Variants in THOC1 observed in about 807,000 individuals in gnomAD.
The protein encoded by THOC1 is THO complex subunit 1, also known as THO complex 1.
In THOC1, 29 loss-of-function variants were observed where a neutral mutation model predicts 97.3. The observed-to-expected ratio is 0.30, with a 90% CI of 0.22 to 0.41. The LOEUF (loss-of-function observed/expected upper bound fraction) is 0.41. Among genes scored for constraint, THOC1 ranks in the 10% least tolerant of loss-of-function variants. The probability of loss-of-function intolerance (pLI) is 1.00; values close to 1 mark genes in which losing one functional copy is unlikely to be tolerated. For missense variants in THOC1, 529 were observed against 761.9 expected, an observed-to-expected ratio of 0.69 and a Z score of 3.60; for synonymous variants, 255 against 257.0, an observed-to-expected ratio of 0.99 and a Z score of 0.07.
intron 11 of THOC1, among the ~76,000 whole-genome samples, chr18:243,948 CT>C (rs1221774649): frequency 2.0e-5 from 3 of 152,050 alleles, no homozygotes; most frequent in Non-Finnish European, 1.5e-5. Flanking sequence ...CTTTCTCTTC[CT>C]TTTTTCTGCC....
intron 11 of THOC1, among the ~76,000 whole-genome samples, chr18:230,524 A>C (rs1911448718): frequency 6.6e-6 from 1 of 152,228 alleles, no homozygotes; most frequent in Non-Finnish European, 1.5e-5. Context: ...ATGTGATTCA[A>C]GCTAACTGCT....
At chr18:233,688 T>C (rs1320696103) in intron 11 of THOC1, among the ~76,000 whole-genome samples, 1 of 152,268 alleles carries the variant, frequency 6.6e-6, no homozygotes, top group Non-Finnish European at 1.5e-5. Flanking sequence ...TCTATTGTTT[T>C]AGTTTTCTTC....
At chr18:248,686 G>A (rs2143259506) in intron 9 of THOC1, among the ~76,000 whole-genome samples, 1 of 151,936 alleles carries the variant, frequency 6.6e-6, no homozygotes, top group Non-Finnish European at 1.5e-5. Flanking sequence ...ACTTTATTAT[G>A]GCACTACTAA....
In THOC1 at chr18:238,023, C is replaced by T. The variant is rs1598297400; in HGVS notation, c.918+8301G>A. On this transcript the variant is annotated intron_variant, in intron 11 of 20. Coordinates refer to ENST00000261600, the MANE Select transcript of THOC1 (RefSeq NM_005131.3). ...CTGGGATTACAGGCACGCACCACCA[C>T]GCCTGGATAATTTTTGTATTTTGTG... is the stretch of plus-strand genomic sequence containing the variant. Among the ~76,000 whole-genome samples the T allele has an allele frequency of 6.6e-5, 10 of 152,136 alleles. No individual in the cohort carries two copies. In the South Asian group the frequency reaches 1.9e-3, roughly 29 times the overall value.
intron 1 of THOC1, among the ~76,000 whole-genome samples, chr18:267,009 GTA>G (rs1318217308): frequency 1.8e-5 from 1 of 54,238 alleles, no homozygotes; most frequent in African/African-American, 7.3e-5. Flanking sequence ...ATACGTATAC[GTA>G]TATATATGTA....
intron 11 of THOC1, among the ~76,000 whole-genome samples, chr18:232,378 A>C (rs2143197069): frequency 6.6e-6 from 1 of 152,224 alleles, no homozygotes; most frequent in Middle Eastern, 3.4e-3. Context: ...GATTACAGCC[A>C]CTGCACCTGG....
chr18:231,794 C>T (rs980401961), intron 11 of THOC1, among the ~76,000 whole-genome samples: 4 of 152,208 alleles, frequency 2.6e-5, no homozygotes, highest in African/African-American at 9.7e-5. Flanking sequence ...TATATTACTA[C>T]ATATGTAAAC....
chr18:237,498 C>T (rs1468209047), intron 11 of THOC1, among the ~76,000 whole-genome samples: 2 of 152,046 alleles, frequency 1.3e-5, no homozygotes, highest in African/African-American at 2.4e-5. Flanking sequence ...AAAGGCACCA[C>T]TAAGTGCTTA....
chr18:216,580 CT>C lies in THOC1; in HGVS notation c.1507del (p.Arg503GlufsTer24). 1 of 1,613,938 alleles carries C rather than the reference CT, an allele frequency of 6.2e-7. No homozygotes were observed. The highest frequency in any genetic ancestry group is 8.5e-7 in the Non-Finnish European group (1 of 1,179,868). ...GWRALRLLAR[R>X]SPHFFQPTNQ... Reference sequence around the variant, plus strand: ...GGTTGGCTGGAAGAAGTGAGGGCTTCTCCGTGCTAATAGTCTCAGGGCTCTC... The same window carrying C: ...GGTTGGCTGGAAGAAGTGAGGGCTTCCCGTGCTAATAGTCTCAGGGCTCTC... On this transcript the variant is annotated frameshift_variant, in exon 19 of 21. Coordinates refer to ENST00000261600, the MANE Select transcript of THOC1 (RefSeq NM_005131.3). LOFTEE classifies it high-confidence loss of function.
At position 247,924 on chromosome 18, in the gene THOC1, T is replaced by C; in HGVS notation, c.711A>G (p.Lys237=). Residue 237 remains lysine (K), a synonymous_variant, in exon 10 of 21, where the codon AAA becomes AAG. Transcript: ENST00000261600. The part of the protein sequence containing the change: ...SIPIDYNLYR[K]FWSLQDYFRN... ...TGAAGTAATCCTGAAGTGACCAGAA[T>C]TTTCGATACAGGTTGTAATCAATTG... 6.2e-7 allele frequency: 1 copy of C among 1,606,666 alleles called. No homozygotes were observed.
chr18:223,165 A>C (rs1911151243), intron 17 of THOC1, among the ~76,000 whole-genome samples: 1 of 152,166 alleles, frequency 6.6e-6, no homozygotes, highest in African/African-American at 2.4e-5. Flanking sequence ...GGCAATCATT[A>C]GTACTGCTGC....
At position 239,456 on chromosome 18, in the gene THOC1, C is replaced by T. The variant is rs1911820712; in HGVS notation, c.918+6868G>A. Among the ~76,000 whole-genome samples the T allele has an allele frequency of 3.3e-5, 5 of 152,138 alleles. No homozygotes were observed. The South Asian group carries it at 1.0e-3, about 32-fold the overall frequency. On this transcript the variant is annotated intron_variant, in intron 11 of 20. Transcript: ENST00000261600. The stretch of plus-strand genomic sequence containing the variant: ...AGTAGCTGGGATCATAGGCACCTGC[C>T]ACCACGCCCGGCTAATTTTTTGTAT...
At chr18:215,898 A>G (rs1910865783) in intron 19 of THOC1, 1 of 193,470 alleles carries the variant, frequency 5.2e-6, no homozygotes, top group African/African-American at 2.4e-5. Context: ...ATGCATTGGC[A>G]AACAGGAAAA....
At chr18:262,150 G>A (rs1245173055) in intron 4 of THOC1, among the ~76,000 whole-genome samples, 1 of 152,152 alleles carries the variant, frequency 6.6e-6, no homozygotes, top group African/African-American at 2.4e-5. Context: ...GTGAATGTCA[G>A]CTCATCTAAA....
chr18:233,509 C>T (rs1911565885), intron 11 of THOC1, among the ~76,000 whole-genome samples: 1 of 152,160 alleles, frequency 6.6e-6, no homozygotes, highest in Admixed American at 6.5e-5. Flanking sequence ...TCACTTGAAC[C>T]CAGGAGGTGG....
At chr18:253,120 T>C (rs763025868) in intron 8 of THOC1, among the ~76,000 whole-genome samples, 14 of 152,204 alleles carry the variant, frequency 9.2e-5, no homozygotes, top group Non-Finnish European at 1.9e-4. Context: ...ATTCACACTG[T>C]TGGGGTGAGG....
At chr18:223,963 GCTAT>G in intron 16 of THOC1, 117 bp downstream of exon 16, 1 of 743,080 alleles carries the variant, frequency 1.3e-6, no homozygotes, top group Non-Finnish European at 2.3e-6. Context: ...GTTTGCTTTG[GCTAT>G]CTATGTGTGT....
rs1173074767 is a variant in THOC1, at chr18:214,593, TCA to T, written c.*31_*32del. On this transcript the variant is annotated 3_prime_UTR_variant, in exon 21 of 21. Transcript: ENST00000261600. ...AAATGCTGCTTGGTAACAAAATCTATCACAGTTTTAATAAAAAGAAAAAAAAA... is the reference window on the plus strand; with the variant it reads ...AAATGCTGCTTGGTAACAAAATCTATCAGTTTTAATAAAAAGAAAAAAAAA... 4 of 1,550,666 alleles carry T rather than the reference TCA, an allele frequency of 2.6e-6. No homozygotes were observed. Among genetic ancestry groups the T allele is most frequent in the Admixed American group, 1.9e-5 (1 of 53,062 alleles).
At chr18:236,642 C>A (rs1335394189) in intron 11 of THOC1, among the ~76,000 whole-genome samples, 1 of 151,994 alleles carries the variant, frequency 6.6e-6, no homozygotes, top group East Asian at 1.9e-4. Flanking sequence ...GGATTACAGG[C>A]GTGAGCCACC....
Sources: gnomAD v4.1 joint callset for allele counts (sites outside exome capture counted in the v4.1 genomes callset) on GRCh38, gnomAD v4.1.1 for gene constraint, MANE v1.5 for transcripts, NCBI Gene and HGNC (gene_info 2026-07-23, HGNC 2026-07-21) for gene names.